HSF2: variants seen among roughly 807,000 people sequenced by gnomAD.
HSF2 encodes heat shock factor protein 2.
In HSF2, 21 loss-of-function variants were observed where a neutral mutation model predicts 65.0. The observed-to-expected ratio is 0.32, with a 90% confidence interval of 0.23 to 0.47. The LOEUF (loss-of-function observed/expected upper bound fraction) is 0.47, where lower values mean the gene tolerates loss of function less well. Among genes scored for constraint, HSF2 ranks in the 20% least tolerant of loss-of-function variants. The pLI is 1.00. For synonymous variants in HSF2, 225 were observed against 219.1 expected, an observed-to-expected ratio of 1.03 and a Z score of -0.24; for missense variants, 499 against 628.1, an observed-to-expected ratio of 0.79 and a Z score of 2.20.
intron 5 of HSF2, 117 bp from the exon 6 acceptor site, chr6:122,419,051 G>A (rs950440725): frequency 5.0e-5 from 30 of 594,178 alleles, no homozygotes; most frequent in African/African-American, 4.9e-4. Context: ...GTTAATATGT[G>A]AGAAATTATG....
At chr6:122,416,888 A>C (rs1774140106) in intron 5 of HSF2, among the ~76,000 whole-genome samples, 1 of 152,208 alleles carries the variant, frequency 6.6e-6, no homozygotes, top group Non-Finnish European at 1.5e-5. Flanking sequence ...TTGTGATTTA[A>C]TCTTTGCATA....
intron 1 of HSF2, among the ~76,000 whole-genome samples, chr6:122,411,670 T>C (rs1332990776): frequency 6.6e-6 from 1 of 151,948 alleles, no homozygotes; most frequent in Non-Finnish European, 1.5e-5. Flanking sequence ...CCCAGCACCA[T>C]TTGTTGAAAA....
Position 122,401,585 on chromosome 6 carries a change from A to AT in HSF2, c.93+1756dup, listed in dbSNP as rs151307467. Among the ~76,000 whole-genome samples the AT allele has an allele frequency of 2.2e-3, 330 of 152,322 alleles. 7 individuals carry two copies. In the East Asian group the frequency reaches 0.043, roughly 20 times the overall value. The stretch of plus-strand genomic sequence containing the variant: ...TACTGATCCGTAAATGCATCATTCT[A>AT]TGAGTTCTAAGCCAAATAAACAAGC... On this transcript the variant is annotated intron_variant, in intron 1 of 12. Coordinates refer to ENST00000368455, the MANE Select transcript of HSF2 (RefSeq NM_004506.4).
chr6:122,416,642 G>GT (rs888197677), intron 5 of HSF2, among the ~76,000 whole-genome samples: 20 of 151,844 alleles, frequency 1.3e-4, no homozygotes, highest in East Asian at 3.9e-4. Context: ...AGCCTTACTG[G>GT]TTTTTTTTGT....
intron 7 of HSF2, among the ~76,000 whole-genome samples, chr6:122,421,897 G>T (rs1774242723): frequency 6.6e-6 from 1 of 151,646 alleles, no homozygotes; most frequent in Non-Finnish European, 1.5e-5. Context: ...CATTTTTAGG[G>T]GTGTCATCTT....
chr6:122,415,605 A>T (rs908277409), intron 4 of HSF2, among the ~76,000 whole-genome samples: 44 of 152,218 alleles, frequency 2.9e-4, no homozygotes, highest in African/African-American at 1.0e-3. Flanking sequence ...TAAGCAAAAA[A>T]TAATGAGCCA....
chr6:122,424,394 C>T (rs1774298704), intron 10 of HSF2, among the ~76,000 whole-genome samples: 1 of 151,878 alleles, frequency 6.6e-6, no homozygotes, highest in African/African-American at 2.4e-5. Flanking sequence ...TCTCTTTATC[C>T]TGGAAAATTT....
At chr6:122,417,165 A>G (rs576483097) in intron 5 of HSF2, among the ~76,000 whole-genome samples, 2 of 151,094 alleles carry the variant, frequency 1.3e-5, no homozygotes, top group Non-Finnish European at 3.0e-5. Flanking sequence ...TTTTTTTTTA[A>G]AGTGTGCAAG....
rs1427921705 is a variant in HSF2, at chr6:122,411,138, A to T, written c.94-1235A>T. On this transcript the variant is annotated intron_variant, in intron 1 of 12. Transcript: ENST00000368455. ...AACACTTGTTTTATGCGTTTTTGATAATAGCCATTCTAATGGGTGTGCAGT... is the reference window on the plus strand; with the variant it reads ...AACACTTGTTTTATGCGTTTTTGATTATAGCCATTCTAATGGGTGTGCAGT... Among the ~76,000 whole-genome samples, 4 of 151,634 alleles carry T rather than the reference A, an allele frequency of 2.6e-5. No homozygotes were observed. The East Asian group carries it at 7.7e-4, about 29-fold the overall frequency.
chr6:122,428,609 T>C (rs1334925494), intron 11 of HSF2, among the ~76,000 whole-genome samples: 1 of 152,030 alleles, frequency 6.6e-6, no homozygotes, highest in African/African-American at 2.4e-5. Flanking sequence ...AGGTATACAC[T>C]CCCTTTATCT....
chr6:122,412,595 G>T (rs1286515495), intron 2 of HSF2, 42 bp from the exon 3 acceptor site: 2 of 1,598,610 alleles, frequency 1.3e-6, no homozygotes, highest in African/African-American at 1.3e-5. Flanking sequence ...ACCAAATTTT[G>T]ACTTGTTTAT....
chr6:122,423,038 T>A, intron 9 of HSF2, 81 bp downstream of exon 9: 1 of 1,497,768 alleles, frequency 6.7e-7, no homozygotes, highest in South Asian at 1.2e-5. Flanking sequence ...TTGAGTAATC[T>A]TCCTTTCAGA....
Position 122,417,026 on chromosome 6 carries a change from T to G in HSF2, c.531+730T>G, listed in dbSNP as rs12209588. 2.9e-3 allele frequency among the ~76,000 whole-genome samples: 448 copies of G among 152,304 alleles called. 2 individuals are homozygous for G. Among genetic ancestry groups the G allele is most frequent in the South Asian group, 0.016 (76 of 4,824 alleles). The stretch of plus-strand genomic sequence containing the variant: ...GGGGGAGCTTCTGATTGCTCCTGCT[T>G]AGAAGGCCCTTGAACTAAAAATAGG... On this transcript the variant is annotated intron_variant, in intron 5 of 12. Coordinates refer to ENST00000368455, the MANE Select transcript of HSF2 (RefSeq NM_004506.4).
At chr6:122,399,636 C>A, upstream of HSF2, 1 of 928,904 alleles carries the variant, frequency 1.1e-6, no homozygotes, top group Non-Finnish European at 1.7e-6. Context: ...AGATCTGCTG[C>A]GCCTGCGTTG....
chr6:122,415,421 T>C (rs889129552), intron 4 of HSF2, among the ~76,000 whole-genome samples: 1 of 152,208 alleles, frequency 6.6e-6, no homozygotes, highest in Non-Finnish European at 1.5e-5. Flanking sequence ...TGATGACTTA[T>C]TTCTTGGTGG....
In HSF2 at chr6:122,399,839, A is replaced by G. The variant is rs1562195205; in HGVS notation, c.93+9A>G. On this transcript the variant is annotated intron_variant, in intron 1 of 12. Transcript: ENST00000368455. ...TCATCACCTGGAGCCAGGTACGGTC[A>G]GGCCACGGCGGCCTCTGAACCCCCT... The G allele has an allele frequency of 6.2e-7, 1 of 1,607,264 alleles. No homozygotes were observed. The highest frequency in any genetic ancestry group is 2.2e-5 in the East Asian group (1 of 44,696).
intron 11 of HSF2, among the ~76,000 whole-genome samples, chr6:122,430,158 C>T (rs929781029): frequency 1.3e-5 from 2 of 152,084 alleles, no homozygotes; most frequent in Admixed American, 1.3e-4. Flanking sequence ...GGTTGGTAGG[C>T]TATTAATTAC....
intron 4 of HSF2, among the ~76,000 whole-genome samples, chr6:122,415,959 A>G (rs9401538): frequency 0.13 from 19,013 of 152,066 alleles, 1,327 homozygotes; most frequent in East Asian, 0.21. Flanking sequence ...GAAGGTTGCA[A>G]TGAGCCGAGA....
intron 1 of HSF2, 41 bp from the exon 2 acceptor site, chr6:122,412,332 C>G: frequency 8.4e-7 from 1 of 1,184,294 alleles, no homozygotes; most frequent in Non-Finnish European, 1.3e-6. Flanking sequence ...GTCATAGGAA[C>G]TTAACTAATT....
Sources: gnomAD v4.1 joint callset for allele counts (sites outside exome capture counted in the v4.1 genomes callset) on GRCh38, gnomAD v4.1.1 for gene constraint, MANE v1.5 for transcripts, NCBI Gene and HGNC (gene_info 2026-07-23, HGNC 2026-07-21) for gene names.